Variants in SHISA6 observed in about 807,000 individuals in gnomAD.
SHISA6 encodes protein shisa-6.
A neutral mutation model predicts 47.9 loss-of-function variants in SHISA6; 22 were observed. The ratio of observed to expected loss-of-function variants is 0.46; its 90% CI spans 0.33 to 0.66. The LOEUF (loss-of-function observed/expected upper bound fraction) is 0.66. SHISA6 is among the 30% of genes least tolerant of loss of function. The probability of loss-of-function intolerance (pLI) is 0.02; values close to 1 mark genes in which losing one functional copy is unlikely to be tolerated. For synonymous variants in SHISA6, 388 were observed against 337.8 expected (o/e 1.15, Z -1.63); for missense variants, 680 against 764.6 (o/e 0.89, Z 1.30).
chr17:11,377,432 A>G (rs1473096899), intron 2 of SHISA6, among the ~76,000 whole-genome samples: 1 of 152,202 alleles, frequency 6.6e-6, no homozygotes, highest in Non-Finnish European at 1.5e-5. Flanking sequence ...GCACGAAGGC[A>G]TTACTTCTCA....
intron 3 of SHISA6, among the ~76,000 whole-genome samples, chr17:11,456,539 G>A (rs1309835906): frequency 6.6e-6 from 1 of 152,202 alleles, no homozygotes; most frequent in East Asian, 1.9e-4. Flanking sequence ...ATAAGATGAT[G>A]AATTCAGACA....
At chr17:11,373,929 G>C (rs1912706388) in intron 2 of SHISA6, among the ~76,000 whole-genome samples, 1 of 152,194 alleles carries the variant, frequency 6.6e-6, no homozygotes, top group Non-Finnish European at 1.5e-5. Flanking sequence ...TAGAAGTAGA[G>C]TGGCCAGTTT....
chr17:11,386,916 G>A (rs1312159719), intron 3 of SHISA6, among the ~76,000 whole-genome samples: 1 of 152,230 alleles, frequency 6.6e-6, no homozygotes, highest in Admixed American at 6.5e-5. Context: ...TGTGTCCTAG[G>A]AAAACCCTCA....
intron 2 of SHISA6, among the ~76,000 whole-genome samples, chr17:11,295,031 C>CT (rs1468124205): frequency 1.3e-5 from 2 of 152,150 alleles, no homozygotes; most frequent in Non-Finnish European, 2.9e-5. Flanking sequence ...ACTAAAGTGA[C>CT]TAATAGGCAG....
At chr17:11,513,819 T>G (rs921185712) in intron 3 of SHISA6, among the ~76,000 whole-genome samples, 2 of 152,100 alleles carry the variant, frequency 1.3e-5, no homozygotes, top group African/African-American at 4.8e-5. Flanking sequence ...GTGAACAAAC[T>G]CACAGGAGAC....
chr17:11,362,480 T>G (rs2142230659), intron 2 of SHISA6, among the ~76,000 whole-genome samples: 1 of 152,318 alleles, frequency 6.6e-6, no homozygotes, highest in East Asian at 1.9e-4. Flanking sequence ...CGACCTGCTT[T>G]CTGATGCTTC....
Position 11,241,369 on chromosome 17 carries a change from C to T in SHISA6, c.-54C>T. 1 of 1,016,458 alleles carries T rather than the reference C, an allele frequency of 9.8e-7. No homozygotes were observed. The highest frequency in any genetic ancestry group is 1.2e-6 in the Non-Finnish European group (1 of 851,796). 63.0% of individuals were successfully genotyped at this position (1,016,458 alleles called of 1,614,324 possible). ...GGCGGGTCCTCCGAGCCCGGCCCGCCGGGGGAGCGGCCTGCCGCGGAAGCC... is the reference window on the plus strand; with the variant it reads ...GGCGGGTCCTCCGAGCCCGGCCCGCTGGGGGAGCGGCCTGCCGCGGAAGCC... On this transcript the variant is annotated 5_prime_UTR_variant, in exon 1 of 6. Transcript: ENST00000441885. This position sits in a 1 kb window ranked among gnomAD's most constrained non-coding sequence, Gnocchi z 5.5.
intron 2 of SHISA6, among the ~76,000 whole-genome samples, chr17:11,366,284 A>G (rs1279976562): frequency 6.6e-6 from 1 of 152,160 alleles, no homozygotes; most frequent in Non-Finnish European, 1.5e-5. Flanking sequence ...AGTAGCTGGG[A>G]CTACAGGCAC....
chr17:11,267,781 G>A (rs1597430702), intron 2 of SHISA6, among the ~76,000 whole-genome samples: 1 of 152,204 alleles, frequency 6.6e-6, no homozygotes, highest in East Asian at 1.9e-4. Context: ...GGGCTGAAGG[G>A]AGTGGAAGAC....
At chr17:11,263,714 G>C (rs188919418) in intron 2 of SHISA6, among the ~76,000 whole-genome samples, 188 bp downstream of exon 2, 1 of 152,224 alleles carries the variant, frequency 6.6e-6, no homozygotes, top group East Asian at 1.9e-4. Context: ...GACTGCTGCC[G>C]GTCAGTGTCT....
chr17:11,243,058 C>G (rs1286494115), intron 1 of SHISA6, among the ~76,000 whole-genome samples: 1 of 151,908 alleles, frequency 6.6e-6, no homozygotes, highest in South Asian at 2.1e-4. Flanking sequence ...GGAGATGCCT[C>G]CATTTCTGTT....
At chr17:11,291,644 C>A (rs560297531) in intron 2 of SHISA6, among the ~76,000 whole-genome samples, 3 of 151,850 alleles carry the variant, frequency 2.0e-5, no homozygotes, top group African/African-American at 7.3e-5. Context: ...AAAACAACAA[C>A]AACAACAACA....
intron 2 of SHISA6, among the ~76,000 whole-genome samples, chr17:11,333,909 G>T (rs1911222266): frequency 6.6e-6 from 1 of 152,200 alleles, no homozygotes; most frequent in Admixed American, 6.5e-5. Flanking sequence ...GGCGCTGTGA[G>T]GATGGTACAT....
At chr17:11,242,163 G>A (rs1481731981) in intron 1 of SHISA6, 103 bp downstream of exon 1, 4 of 1,435,894 alleles carry the variant, frequency 2.8e-6, no homozygotes, top group Non-Finnish European at 3.8e-6. Flanking sequence ...ACCTCCCCAG[G>A]CCCTCTAGTC....
intron 3 of SHISA6, among the ~76,000 whole-genome samples, chr17:11,515,699 C>T (rs1295731868): frequency 6.6e-6 from 1 of 152,058 alleles, no homozygotes; most frequent in East Asian, 1.9e-4. Flanking sequence ...CTGACCAAAG[C>T]CTGCCTCCCT....
At chr17:11,497,881 C>T (rs1178136678) in intron 3 of SHISA6, among the ~76,000 whole-genome samples, 1 of 152,204 alleles carries the variant, frequency 6.6e-6, no homozygotes, top group African/African-American at 2.4e-5. Context: ...AAGCCCATTC[C>T]TCTCTTGCTG....
At chr17:11,269,042 C>T (rs2041238) in intron 2 of SHISA6, among the ~76,000 whole-genome samples, 140,958 of 149,630 alleles carry the variant, frequency 0.94, 66,377 homozygotes, top group East Asian at 1. Context: ...TTTTGTTTGT[C>T]TGTTTTGTTT....
At chr17:11,298,836 G>A (rs374929166) in intron 2 of SHISA6, among the ~76,000 whole-genome samples, 38 of 152,178 alleles carry the variant, frequency 2.5e-4, no homozygotes, top group East Asian at 9.6e-4. Context: ...AGACCTCATC[G>A]CTGGGTTAAA....
intron 3 of SHISA6, among the ~76,000 whole-genome samples, chr17:11,392,769 C>T (rs77546479): frequency 0.036 from 5,550 of 152,282 alleles, 183 homozygotes; most frequent in Admixed American, 0.088. Flanking sequence ...GAGAAGCTTA[C>T]GCTTATGCAA....
Sources: allele counts gnomAD v4.1 joint callset (sites outside exome capture counted in the v4.1 genomes callset), GRCh38; gene constraint gnomAD v4.1.1; non-coding constraint Gnocchi (gnomAD v3.1); transcripts MANE v1.5; gene names NCBI Gene and HGNC (gene_info 2026-07-23, HGNC 2026-07-21).